TTC17: variants seen among roughly 807,000 people sequenced by gnomAD.
TTC17 encodes the protein tetratricopeptide repeat protein 17.
A neutral mutation model predicts 143.8 loss-of-function variants in TTC17; 58 were observed. The ratio of observed to expected loss-of-function variants is 0.40; its 90% confidence interval spans 0.33 to 0.50. TTC17 has a LOEUF of 0.50. TTC17 is among the 20% of genes least tolerant of loss of function. TTC17 has a pLI of 0.49. For missense variants in TTC17, 1,273 were observed against 1,392.5 expected (o/e 0.91, Z 1.37); for synonymous variants, 501 against 497.8 (o/e 1.01, Z -0.09).
Position 43,405,547 on chromosome 11 carries a change from G to A in TTC17, c.1513G>A (p.Asp505Asn), listed in dbSNP as rs556357842. The change falls in exon 12 of 24, where the codon GAT becomes AAT. Residue 505 changes from aspartate (D) to asparagine (N), a missense_variant. This residue lies in a region of TTC17 where 878 missense variants were observed against 899.8 expected (regional missense o/e 0.98). Transcript: ENST00000039989. ...KQHILWPKRA[D>N]CTESYPRVPV... ...GCATATTCTATGGCCTAAAAGAGCA[G>A]ATTGTACAGAAAGCTACCCTAGAGT... 2 of 1,613,972 alleles carry A rather than the reference G, an allele frequency of 1.2e-6. No individual in the cohort carries two copies. Among genetic ancestry groups the A allele is most frequent in the African/African-American group, 2.7e-5 (2 of 75,046 alleles).
intron 18 of TTC17, among the ~76,000 whole-genome samples, chr11:43,444,903 C>T (rs1040430723): frequency 2.6e-5 from 4 of 152,164 alleles, no homozygotes; most frequent in African/African-American, 9.6e-5. Context: ...AATTTTGCGG[C>T]AGTCTGACTA....
chr11:43,443,204 G>A (rs1947460828), intron 16 of TTC17, 121 bp from the exon 17 acceptor site: 3 of 1,096,424 alleles, frequency 2.7e-6, no homozygotes, highest in Non-Finnish European at 3.9e-6. Flanking sequence ...TTATTACATT[G>A]GGCTATAGTA....
chr11:43,404,169 C>T (rs202068266), intron 11 of TTC17, 25 bp downstream of exon 11: 3 of 1,587,502 alleles, frequency 1.9e-6, no homozygotes, highest in South Asian at 1.2e-5. Flanking sequence ...GATGACGAAG[C>T]AGTTTTCTCA....
intron 1 of TTC17, among the ~76,000 whole-genome samples, chr11:43,366,048 T>G (rs1019181303): frequency 5.9e-5 from 9 of 151,518 alleles, no homozygotes; most frequent in African/African-American, 2.2e-4. Flanking sequence ...TGGCGCAATC[T>G]CGGCTCACTA....
rs1035874150 is a variant in TTC17, at chr11:43,440,539, T to A, written c.2252-2786T>A. Among the ~76,000 whole-genome samples the A allele has an allele frequency of 1.5e-4, 23 of 152,348 alleles. No individual in the cohort carries two copies. In the East Asian group the frequency reaches 4.2e-3, roughly 28 times the overall value. On this transcript the variant is annotated intron_variant, in intron 16 of 23. Coordinates refer to ENST00000039989, the MANE Select transcript of TTC17 (RefSeq NM_018259.6). ...TCCTTGTATACCTCTTTACCCTCTC[T>A]TTTTTAAAGATTCCTTTTCCCTTTA... is the stretch of plus-strand genomic sequence containing the variant.
rs1565145821 is a variant in TTC17 at position 43,399,901 on chromosome 11, A to T, written c.1072A>T (p.Thr358Ser). The stretch of plus-strand genomic sequence containing the variant: ...AAAAATGTTAAGATCTCTCCAGCGA[A>T]CACTGAATGAGTTAAAAGAGTATCA... ...LEAQHRSLQRTLNELKEYQKQ... is the reference protein window; with the variant it reads ...LEAQHRSLQRSLNELKEYQKQ... Residue 358 changes from threonine (T) to serine (S), a missense_variant, in exon 9 of 24, where the codon ACA becomes TCA. This residue lies in a region of TTC17 where 325 missense variants were observed against 444.2 expected (regional missense o/e 0.73). Transcript: ENST00000039989. 1 of 1,610,566 alleles carries T rather than the reference A, an allele frequency of 6.2e-7. No individual in the cohort carries two copies. The highest frequency in any genetic ancestry group is 2.2e-5 in the East Asian group (1 of 44,824).
At chr11:43,362,860 A>G (rs2134428049) in intron 1 of TTC17, among the ~76,000 whole-genome samples, 1 of 152,334 alleles carries the variant, frequency 6.6e-6, no homozygotes, top group Middle Eastern at 3.4e-3. Flanking sequence ...AATATGGTCC[A>G]GGGAATCCTG....
At chr11:43,417,499 TA>T in intron 16 of TTC17, among the ~76,000 whole-genome samples, 1 of 152,292 alleles carries the variant, frequency 6.6e-6, no homozygotes, top group South Asian at 2.1e-4. Flanking sequence ...TTCCATGTAA[TA>T]GTCATGGAAT....
chr11:43,405,819 A>G lies in TTC17; in HGVS notation c.1629A>G (p.Thr543=), dbSNP rs771504616. 7.4e-6 allele frequency: 12 copies of G among 1,613,914 alleles called. No individual in the cohort carries two copies. In the African/African-American group the frequency reaches 1.3e-4, roughly 18 times the overall value. ...IHELSSDDYS[T]EEEAQTPDCS... ...AACTCAGCAGTGATGATTATTCTACAGAAGAAGAGGCCCAAACCCCTGACT... is the reference window on the plus strand; with the variant it reads ...AACTCAGCAGTGATGATTATTCTACGGAAGAAGAGGCCCAAACCCCTGACT... Residue 543 remains threonine, a synonymous_variant, in exon 13 of 24, where the codon ACA becomes ACG. Coordinates refer to ENST00000039989, the MANE Select transcript of TTC17 (RefSeq NM_018259.6).
intron 12 of TTC17, 54 bp from the exon 13 acceptor site, chr11:43,405,732 T>A: frequency 6.2e-7 from 1 of 1,612,336 alleles, no homozygotes; most frequent in Non-Finnish European, 8.5e-7. Context: ...AGTCTTTATC[T>A]TGAAGTCACC....
At chr11:43,360,566 C>G (rs188710165) in intron 1 of TTC17, among the ~76,000 whole-genome samples, 1 of 152,158 alleles carries the variant, frequency 6.6e-6, no homozygotes, top group African/African-American at 2.4e-5. Context: ...TTGGCCACAG[C>G]TATTTATACT....
chr11:43,438,288 A>G (rs1372526942), intron 16 of TTC17, among the ~76,000 whole-genome samples: 1 of 152,016 alleles, frequency 6.6e-6, no homozygotes, highest in Admixed American at 6.6e-5. Context: ...CTTCCAAGTA[A>G]CTGGGATTAC....
intron 16 of TTC17, among the ~76,000 whole-genome samples, chr11:43,427,992 AC>A (rs1224043017): frequency 6.6e-6 from 1 of 151,886 alleles, no homozygotes; most frequent in East Asian, 1.9e-4. Flanking sequence ...TTTCTAGGAA[AC>A]CCCCCTCAAT....
rs748867924 is a variant in TTC17 at position 43,407,264 on chromosome 11, A to G, written c.1839+49A>G. 2.6e-6 allele frequency: 4 copies of G among 1,554,394 alleles called. No individual in the cohort carries two copies. The South Asian group carries it at 3.5e-5, about 14-fold the overall frequency. The stretch of plus-strand genomic sequence containing the variant: ...TAAAACTTAAATGCTTCTTAATTAT[A>G]AGTAAAAGTTAAAATGCACTTATTA... On this transcript the variant is annotated intron_variant, in intron 14 of 23. Transcript: ENST00000039989.
chr11:43,469,362 A>G (rs958149117), intron 21 of TTC17, among the ~76,000 whole-genome samples: 61 of 152,338 alleles, frequency 4.0e-4, no homozygotes, highest in Middle Eastern at 3.4e-3. Context: ...TTTTGCTGCT[A>G]GAAATGTATC....
At chr11:43,406,265 T>G (rs1351489147) in intron 13 of TTC17, among the ~76,000 whole-genome samples, 4 of 152,184 alleles carry the variant, frequency 2.6e-5, no homozygotes, top group Non-Finnish European at 5.9e-5. Flanking sequence ...TTGCAACCAC[T>G]AAAAGTTAGC....
intron 16 of TTC17, among the ~76,000 whole-genome samples, chr11:43,430,925 G>C (rs1356050739): frequency 6.6e-6 from 1 of 151,958 alleles, no homozygotes; most frequent in African/African-American, 2.4e-5. Context: ...TCCTAATGCT[G>C]TCTCTCCCCT....
intron 3 of TTC17, 111 bp downstream of exon 3, chr11:43,389,932 T>G: frequency 6.0e-6 from 6 of 999,364 alleles, no homozygotes; most frequent in Non-Finnish European, 8.7e-6. Context: ...CAGATGAGTT[T>G]TCGAATTTGA....
At chr11:43,432,057 C>A (rs534616203) in intron 16 of TTC17, among the ~76,000 whole-genome samples, 2 of 152,218 alleles carry the variant, frequency 1.3e-5, no homozygotes, top group East Asian at 3.9e-4. Context: ...GGTAAGAATT[C>A]TTTTTAACAA....
Sources: gnomAD v4.1 joint callset for allele counts (sites outside exome capture counted in the v4.1 genomes callset) on GRCh38, gnomAD v4.1.1 for gene constraint, gnomAD v4.1.1 regional missense constraint, MANE v1.5 for transcripts, NCBI Gene and HGNC (gene_info 2026-07-23, HGNC 2026-07-21) for gene names.